The following CHRM2 variants were observed in gnomAD, a reference collection of about 807,000 sequenced individuals.
CHRM2 encodes muscarinic acetylcholine receptor M2.
CHRM2 carries 8 observed loss-of-function variants against 25.0 expected under a neutral mutation model. The ratio of observed to expected loss-of-function variants is 0.32; its 90% CI spans 0.19 to 0.58. CHRM2 has a LOEUF of 0.58. Ranked by LOEUF, CHRM2 falls within the 20% of genes least tolerant of loss-of-function variation. CHRM2 has a pLI of 0.88. For synonymous variants in CHRM2, 202 were observed against 205.7 expected (o/e 0.98, Z 0.15); for missense variants, 440 against 567.1 (o/e 0.78, Z 2.28).
chr7:136,923,232 T>TA (rs1399167050), intron 2 of CHRM2, among the ~76,000 whole-genome samples: 231 of 148,024 alleles, frequency 1.6e-3, no homozygotes, highest in African/African-American at 5.5e-3. Flanking sequence ...ATAAATGATT[T>TA]AAAAAAAAAT....
Position 137,015,839 on chromosome 7 carries a change from T to A in CHRM2, c.974T>A (p.Ile325Asn). The A allele has an allele frequency of 1.9e-6, 3 of 1,612,868 alleles. No individual in the cohort carries two copies. The highest frequency in any genetic ancestry group is 2.5e-6 in the Non-Finnish European group (3 of 1,179,314). The change falls in exon 4 of 4, where the codon ATC (isoleucine) becomes AAC (asparagine). Residue 325 changes from isoleucine (I) to asparagine (N), a missense_variant. Ile to Asn is a moderately radical substitution (Grantham distance 149). Transcript: ENST00000680005. The surrounding 1 kb of genome is among the most constrained non-coding windows in gnomAD (Gnocchi z 5.1). ...GATGAGAACTCTAAGCAAACATGCA[T>A]CAGAATTGGCACCAAGACCCCAAAA... Reference protein sequence around the residue: ...SKDENSKQTCIRIGTKTPKSD... With the variant: ...SKDENSKQTCNRIGTKTPKSD...
chr7:136,874,839 G>T (rs1412127726), intron 2 of CHRM2, among the ~76,000 whole-genome samples: 1 of 151,608 alleles, frequency 6.6e-6, no homozygotes, highest in Non-Finnish European at 1.5e-5. Context: ...TGGCAAAGGG[G>T]TGGGAAGGAT....
At chr7:136,938,578 G>A (rs886958130) in intron 2 of CHRM2, 7 of 883,792 alleles carry the variant, frequency 7.9e-6, no homozygotes, top group South Asian at 3.9e-5. Flanking sequence ...CACCATAGCC[G>A]CTGCCCAGGC....
rs1345595235 is a variant in CHRM2, at chr7:137,015,730, G to C, written c.865G>C (p.Val289Leu). The C allele has an allele frequency of 1.2e-6, 2 of 1,613,308 alleles. No individual in the cohort carries two copies. The highest frequency in any genetic ancestry group is 1.7e-6 in the Non-Finnish European group (2 of 1,179,556). ...GGAGAGCTCCAATGACTCCACCTCAGTCAGTGCTGTTGCCTCTAATATGAG... is the reference window on the plus strand; with the variant it reads ...GGAGAGCTCCAATGACTCCACCTCACTCAGTGCTGTTGCCTCTAATATGAG... ...EKESSNDSTS[V>L]SAVASNMRDD... Residue 289 changes from valine to leucine, a missense_variant, in exon 4 of 4, where the codon GTC becomes CTC. By Grantham distance (32) the Val-to-Leu change is conservative. Around this residue, in one of 5 missense-constraint regions of CHRM2, gnomAD observed 261 missense variants for 261.8 expected, o/e 1.00. Coordinates refer to ENST00000680005, the MANE Select transcript of CHRM2 (RefSeq NM_001006630.2). This position sits in a 1 kb window ranked among gnomAD's most constrained non-coding sequence, Gnocchi z 5.1.
chr7:137,010,857 G>A (rs922104957), intron 3 of CHRM2, among the ~76,000 whole-genome samples: 1 of 151,824 alleles, frequency 6.6e-6, no homozygotes, highest in Non-Finnish European at 1.5e-5. Context: ...CTGTCCTGCT[G>A]CCTAACAATT....
Position 136,932,023 on chromosome 7 carries a change from ACT to A in CHRM2, c.-124-60157_-124-60156del, listed in dbSNP as rs1799135543. Among the ~76,000 whole-genome samples the A allele has an allele frequency of 2.0e-5, 3 of 151,842 alleles. No individual in the cohort carries two copies. In the East Asian group the frequency reaches 5.8e-4, roughly 29 times the overall value. ...GCCAAACTTCTGAGATTTTTGGAAA[ACT>A]CTCTCTGTACCTATTTTATTTACTA... On this transcript the variant is annotated intron_variant, in intron 2 of 3. Transcript: ENST00000680005.
intron 2 of CHRM2, among the ~76,000 whole-genome samples, chr7:136,935,270 T>G (rs1291993875): frequency 6.6e-6 from 1 of 152,162 alleles, no homozygotes; most frequent in African/African-American, 2.4e-5. Context: ...AACATACCTG[T>G]ACATATATGG....
intron 3 of CHRM2, among the ~76,000 whole-genome samples, chr7:137,002,859 G>C (rs992610255): frequency 6.6e-6 from 1 of 151,956 alleles, no homozygotes; most frequent in South Asian, 2.1e-4. Context: ...AATTATAATG[G>C]ACTCAGTAAT....
chr7:136,893,552 C>T (rs897817856), intron 2 of CHRM2, among the ~76,000 whole-genome samples: 1 of 152,128 alleles, frequency 6.6e-6, no homozygotes, highest in African/African-American at 2.4e-5. Flanking sequence ...AGGATTTTGA[C>T]TTCATTAAGA....
intron 2 of CHRM2, among the ~76,000 whole-genome samples, chr7:136,955,825 A>C (rs180964550): frequency 6.6e-6 from 1 of 152,362 alleles, no homozygotes; most frequent in Admixed American, 6.5e-5. Context: ...TGTTCTCTTG[A>C]TGCCTGAATT....
chr7:136,972,554 AG>A (rs947492019), intron 2 of CHRM2, among the ~76,000 whole-genome samples: 2 of 152,150 alleles, frequency 1.3e-5, no homozygotes, highest in African/African-American at 4.8e-5. Flanking sequence ...TTCTTATGAA[AG>A]AAAAAAAAAA....
intron 3 of CHRM2, among the ~76,000 whole-genome samples, chr7:137,004,442 A>T (rs577605294): frequency 2.0e-5 from 3 of 152,240 alleles, no homozygotes; most frequent in East Asian, 3.9e-4. Context: ...TAAATGGGAG[A>T]CAGGTATTTG....
At chr7:136,887,443 C>G (rs1049128335) in intron 2 of CHRM2, among the ~76,000 whole-genome samples, 5 of 152,044 alleles carry the variant, frequency 3.3e-5, no homozygotes, top group African/African-American at 1.2e-4. Flanking sequence ...ATCCAGATGG[C>G]CCAACTCTTA....
At chr7:136,934,723 A>C (rs1426141108) in intron 2 of CHRM2, among the ~76,000 whole-genome samples, 2 of 151,964 alleles carry the variant, frequency 1.3e-5, no homozygotes, top group Admixed American at 6.6e-5. Context: ...TTTATAAATA[A>C]TGTAATTTTG....
At chr7:136,890,615 C>T (rs1425644303) in intron 2 of CHRM2, among the ~76,000 whole-genome samples, 1 of 152,158 alleles carries the variant, frequency 6.6e-6, no homozygotes, top group African/African-American at 2.4e-5. Context: ...AAACCACCCG[C>T]TGAGCTCCAG....
chr7:136,984,021 T>G (rs1802670543), intron 2 of CHRM2, among the ~76,000 whole-genome samples: 1 of 152,184 alleles, frequency 6.6e-6, no homozygotes, highest in Non-Finnish European at 1.5e-5. Flanking sequence ...TGTTTAAGTT[T>G]GCTGAAGCTG....
At chr7:136,913,862 C>T (rs1287551094) in intron 2 of CHRM2, among the ~76,000 whole-genome samples, 4 of 151,904 alleles carry the variant, frequency 2.6e-5, no homozygotes, top group Non-Finnish European at 4.4e-5. Flanking sequence ...AGTTTACTAC[C>T]CCCACTTCTG....
rs991413673 is a variant in CHRM2, at chr7:137,017,927, T to C, written c.*1661T>C. The C allele has an allele frequency of 2.0e-5, 3 of 151,970 alleles. No individual in the cohort carries two copies. Among genetic ancestry groups the C allele is most frequent in the Non-Finnish European group, 4.4e-5 (3 of 67,922 alleles). The allele number at this position is 151,970 out of a possible 1,614,324, so 9.4% of individuals were successfully genotyped here. ...CGGATTCACATACAACTAGTTATTT[T>C]TATCCTTTATATTTTTCTTACAGTA... is the stretch of plus-strand genomic sequence containing the variant. On this transcript the variant is annotated 3_prime_UTR_variant, in exon 4 of 4. Coordinates refer to ENST00000680005, the MANE Select transcript of CHRM2 (RefSeq NM_001006630.2).
intron 2 of CHRM2, among the ~76,000 whole-genome samples, chr7:136,876,486 AT>A (rs1796056885): frequency 2.6e-5 from 4 of 152,242 alleles, no homozygotes; most frequent in African/African-American, 9.6e-5. Flanking sequence ...TTTCAAAATA[AT>A]TTTACTATTA....
Sources: gnomAD v4.1 joint callset for allele counts (sites outside exome capture counted in the v4.1 genomes callset) on GRCh38, gnomAD v4.1.1 for gene constraint, gnomAD v4.1.1 regional missense constraint, Gnocchi (gnomAD v3.1) non-coding constraint, MANE v1.5 for transcripts, NCBI Gene and HGNC (gene_info 2026-07-23, HGNC 2026-07-21) for gene names.